PHIP: variants seen among roughly 807,000 people sequenced by gnomAD.
PHIP encodes PH-interacting protein.
In PHIP, 54 loss-of-function variants were observed where a neutral mutation model predicts 236.8. That is an observed-to-expected ratio of 0.23 (90% confidence interval 0.18 to 0.29). PHIP has a LOEUF of 0.29. Ranked by LOEUF, PHIP falls within the 10% of genes least tolerant of loss-of-function variation. The pLI is 1.00. For missense variants in PHIP, 1,370 were observed against 2,190.8 expected (o/e 0.63, Z 7.48); for synonymous variants, 756 against 718.9 (o/e 1.05, Z -0.83).
intron 24 of PHIP, among the ~76,000 whole-genome samples, chr6:78,977,233 G>A (rs1461442700): frequency 6.6e-6 from 1 of 151,002 alleles, no homozygotes; most frequent in African/African-American, 2.4e-5. Flanking sequence ...GTAGGGACAT[G>A]GATGAAATTG....
At chr6:79,013,776 TC>T (rs1770705666) in intron 15 of PHIP, among the ~76,000 whole-genome samples, 1 of 151,662 alleles carries the variant, frequency 6.6e-6, no homozygotes, top group South Asian at 2.1e-4. Context: ...TATAATAATG[TC>T]CTTTGGAAAT....
At chr6:79,008,809 T>C (rs1402303135) in intron 15 of PHIP, among the ~76,000 whole-genome samples, 2 of 152,126 alleles carry the variant, frequency 1.3e-5, no homozygotes, top group Non-Finnish European at 2.9e-5. Flanking sequence ...CAATAAACAT[T>C]ATTACAAATG....
intron 39 of PHIP, among the ~76,000 whole-genome samples, chr6:78,942,736 C>G (rs1013507595): frequency 6.6e-6 from 1 of 152,108 alleles, no homozygotes; most frequent in Admixed American, 6.6e-5. Context: ...TACAAGGGTT[C>G]TAAATATCCA....
Position 79,078,229 on chromosome 6 carries a change from G to GAAA in PHIP, c.-164_-162dup. On this transcript the variant is annotated 5_prime_UTR_variant, in exon 1 of 40. Transcript: ENST00000275034. ...GGCGGAGGCGGAGGAGGAGGAGGAG[G>GAAA]AAACAACAACTCTCAGGCAGCGACT... 2 of 648,096 alleles carry GAAA rather than the reference G, an allele frequency of 3.1e-6. No homozygotes were observed. The highest frequency in any genetic ancestry group is 1.9e-5 in the South Asian group (1 of 51,732). 40.1% of individuals were successfully genotyped at this position (648,096 alleles called of 1,614,324 possible).
At position 78,968,667 on chromosome 6, in the gene PHIP, A is replaced by C. The variant is rs117240567; in HGVS notation, c.3205+1168T>G. Among the ~76,000 whole-genome samples the C allele has an allele frequency of 9.2e-5, 14 of 152,316 alleles. No homozygotes were observed. The East Asian group carries it at 2.7e-3, about 29-fold the overall frequency. ...TTCAATTTTTAATCATGACTGTGTA[A>C]ATACTGCTTGCTCCTAAGCAAAACA... On this transcript the variant is annotated intron_variant, in intron 27 of 39. Transcript: ENST00000275034.
At chr6:79,029,426 A>G (rs1210374695) in intron 7 of PHIP, among the ~76,000 whole-genome samples, 1 of 152,172 alleles carries the variant, frequency 6.6e-6, no homozygotes, top group Non-Finnish European at 1.5e-5. Context: ...TATACAATAT[A>G]CAAGTACTCA....
At position 79,077,917 on chromosome 6, in the gene PHIP, C is replaced by T; in HGVS notation, c.41-4G>A. The T allele has an allele frequency of 6.3e-7, 1 of 1,594,544 alleles. No individual in the cohort carries two copies. The highest frequency in any genetic ancestry group is 1.1e-5 in the South Asian group (1 of 88,818). On this transcript the variant is annotated splice_polypyrimidine_tract_variant and splice_region_variant and intron_variant, in intron 1 of 39. Coordinates refer to ENST00000275034, the MANE Select transcript of PHIP (RefSeq NM_017934.7). ...CGGGCGATGAGGAAGTAGAGCTCTG[C>T]GCGGGAGAGAGGGACGGGGAGACAC...
At chr6:78,959,538 CTG>C (rs900173922) in intron 31 of PHIP, among the ~76,000 whole-genome samples, 34 of 152,166 alleles carry the variant, frequency 2.2e-4, no homozygotes, top group African/African-American at 7.7e-4. Context: ...GAAAAACAAA[CTG>C]TAAGAAGTCT....
chr6:79,026,235 T>C (rs1440240228), intron 7 of PHIP, 71 bp from the exon 8 acceptor site: 3 of 1,061,516 alleles, frequency 2.8e-6, no homozygotes, highest in Non-Finnish European at 4.3e-6. Flanking sequence ...CACTGATAAA[T>C]CTACCTGTTC....
intron 27 of PHIP, among the ~76,000 whole-genome samples, chr6:78,967,093 T>C (rs576174363): frequency 2.0e-5 from 3 of 152,346 alleles, no homozygotes; most frequent in South Asian, 2.1e-4. Flanking sequence ...AAGAGAAAAG[T>C]AGTTATGTTC....
chr6:79,038,568 A>G (rs1415688892), intron 7 of PHIP, among the ~76,000 whole-genome samples: 3 of 152,116 alleles, frequency 2.0e-5, no homozygotes, highest in African/African-American at 4.8e-5. Flanking sequence ...CTTTCATGAA[A>G]TTCTCATCTC....
intron 29 of PHIP, among the ~76,000 whole-genome samples, chr6:78,963,877 C>T (rs996321687): frequency 1.3e-5 from 2 of 152,186 alleles, no homozygotes; most frequent in Admixed American, 6.6e-5. Context: ...AAATACGCCA[C>T]TGTTTGTGTA....
At position 79,055,391 on chromosome 6, in the gene PHIP, T is replaced by C. The variant is rs527268517; in HGVS notation, c.439+5087A>G. On this transcript the variant is annotated intron_variant, in intron 6 of 39. Transcript: ENST00000275034. ...CCCCTTACTCATGCACATTTATTAC[T>C]GAAGTATAAGCAAATATAGAATAAA... Among the ~76,000 whole-genome samples the C allele has an allele frequency of 2.7e-4, 41 of 152,280 alleles. No homozygotes were observed. The East Asian group carries it at 3.7e-3, about 14-fold the overall frequency.
At chr6:79,058,720 G>A (rs1371095467) in intron 6 of PHIP, among the ~76,000 whole-genome samples, 1 of 151,998 alleles carries the variant, frequency 6.6e-6, no homozygotes, top group Non-Finnish European at 1.5e-5. Flanking sequence ...AACAGTGTCT[G>A]GCATACAGGA....
intron 32 of PHIP, 30 bp downstream of exon 32, chr6:78,958,445 A>G: frequency 8.0e-7 from 1 of 1,254,064 alleles, no homozygotes; most frequent in East Asian, 2.3e-5. Context: ...TATTAAAACT[A>G]TCATAATTAC....
intron 29 of PHIP, among the ~76,000 whole-genome samples, chr6:78,963,634 G>C (rs1019305556): frequency 2.0e-5 from 3 of 152,078 alleles, no homozygotes; most frequent in Non-Finnish European, 1.5e-5. Context: ...ACATTTTCTA[G>C]AAATACTTCA....
chr6:79,002,083 A>G lies in PHIP; in HGVS notation c.1695T>C (p.Leu565=). ...ATACAAAATTGTTGGCATCACGAATAAGTGGCCGATAATCACTATGAAAGA... is the reference window on the plus strand; with the variant it reads ...ATACAAAATTGTTGGCATCACGAATGAGTGGCCGATAATCACTATGAAAGA... ...QMFFHSDYRP[L]IRDANNFVLD... is the part of the protein sequence containing the mutation. Residue 565 remains leucine (L), a synonymous_variant, in exon 17 of 40, where the codon CTT becomes CTC. Coordinates refer to ENST00000275034, the MANE Select transcript of PHIP (RefSeq NM_017934.7). The G allele has an allele frequency of 6.2e-7, 1 of 1,613,208 alleles. No homozygotes were observed. Among genetic ancestry groups the G allele is most frequent in the Non-Finnish European group, 8.5e-7 (1 of 1,179,324 alleles).
intron 39 of PHIP, among the ~76,000 whole-genome samples, chr6:78,944,024 G>C (rs1371802113): frequency 7.2e-6 from 1 of 138,948 alleles, no homozygotes; most frequent in Non-Finnish European, 1.5e-5. Context: ...GGAAGTGCTT[G>C]ATTCTATCTA....
At chr6:79,035,073 T>G (rs879838650) in intron 7 of PHIP, among the ~76,000 whole-genome samples, 1 of 152,112 alleles carries the variant, frequency 6.6e-6, no homozygotes, top group Non-Finnish European at 1.5e-5. Flanking sequence ...TCATACTAAC[T>G]ACCCTAGAAT....
Sources: allele counts gnomAD v4.1 joint callset (sites outside exome capture counted in the v4.1 genomes callset), GRCh38; gene constraint gnomAD v4.1.1; transcripts MANE v1.5; gene names NCBI Gene and HGNC (gene_info 2026-07-23, HGNC 2026-07-21).